Variants in PKP4 observed in about 807,000 individuals in gnomAD.
PKP4 encodes plakophilin 4.
In PKP4, 90 loss-of-function variants were observed where a neutral mutation model predicts 145.1. The observed-to-expected ratio is 0.62, with a 90% confidence interval of 0.52 to 0.74. The LOEUF (loss-of-function observed/expected upper bound fraction) is 0.74. Among genes scored for constraint, PKP4 ranks in the 30% least tolerant of loss-of-function variants. The probability of loss-of-function intolerance (pLI) is 0.00; values close to 1 mark genes in which losing one functional copy is unlikely to be tolerated. For missense variants in PKP4, 1,340 were observed against 1,482.7 expected (o/e 0.90, Z 1.58); for synonymous variants, 563 against 577.2 (o/e 0.98, Z 0.35).
intron 1 of PKP4, among the ~76,000 whole-genome samples, chr2:158,484,705 C>A (rs1382579882): frequency 6.6e-6 from 1 of 152,136 alleles, no homozygotes; most frequent in African/African-American, 2.4e-5. Context: ...TATAGAGTTG[C>A]AGTAAGTGGA....
chr2:158,608,749 G>C (rs2050857177), intron 4 of PKP4, among the ~76,000 whole-genome samples: 1 of 149,892 alleles, frequency 6.7e-6, no homozygotes, highest in Admixed American at 6.6e-5. Flanking sequence ...GCTATAGTTA[G>C]AAGAGTAGCA....
At chr2:158,523,088 A>G (rs2042563374) in intron 1 of PKP4, among the ~76,000 whole-genome samples, 1 of 152,240 alleles carries the variant, frequency 6.6e-6, no homozygotes, top group African/African-American at 2.4e-5. Flanking sequence ...TTGCTTAGGT[A>G]AACAAAGCAG....
chr2:158,617,163 T>C (rs934449582), intron 4 of PKP4, among the ~76,000 whole-genome samples: 1 of 152,198 alleles, frequency 6.6e-6, no homozygotes, highest in African/African-American at 2.4e-5. Flanking sequence ...AAGTCCATGA[T>C]TCCAATAATT....
intron 7 of PKP4, among the ~76,000 whole-genome samples, chr2:158,631,002 A>G (rs972811958): frequency 9.2e-5 from 14 of 152,056 alleles, no homozygotes; most frequent in African/African-American, 2.9e-4. Context: ...CAGTGGCGCA[A>G]TCTTGGCTCA....
intron 1 of PKP4, among the ~76,000 whole-genome samples, chr2:158,512,616 G>A (rs545901817): frequency 9.2e-5 from 14 of 152,326 alleles, no homozygotes; most frequent in African/African-American, 3.1e-4. Context: ...ACTAATAGAT[G>A]TATATTACCC....
At chr2:158,486,594 A>G (rs1694197905) in intron 1 of PKP4, among the ~76,000 whole-genome samples, 3 of 152,274 alleles carry the variant, frequency 2.0e-5, no homozygotes, top group South Asian at 2.1e-4. Context: ...TTGAGAACAC[A>G]GTGACCTACA....
chr2:158,465,283 A>G (rs1172728142), intron 1 of PKP4, among the ~76,000 whole-genome samples: 1 of 152,222 alleles, frequency 6.6e-6, no homozygotes, highest in Non-Finnish European at 1.5e-5. Flanking sequence ...TTACATGATA[A>G]ATTACCCGAT....
intron 1 of PKP4, among the ~76,000 whole-genome samples, chr2:158,499,299 A>G (rs966178509): frequency 1.8e-4 from 27 of 152,120 alleles, no homozygotes; most frequent in Admixed American, 5.2e-4. Flanking sequence ...TCAGCCAACA[A>G]AAGTGGGTTC....
intron 2 of PKP4, among the ~76,000 whole-genome samples, chr2:158,538,608 T>C (rs2044263874): frequency 1.3e-5 from 2 of 150,836 alleles, no homozygotes; most frequent in Non-Finnish European, 3.0e-5. Flanking sequence ...GGTGCGATCT[T>C]GGCTCACTGC....
At position 158,661,160 on chromosome 2, in the gene PKP4, A is replaced by G. The variant is rs578106375; in HGVS notation, c.2094-173A>G. On this transcript the variant is annotated intron_variant, in intron 12 of 21. Coordinates refer to ENST00000389759, the MANE Select transcript of PKP4 (RefSeq NM_003628.6). ...TCCCTTCCATGTGTGGATAATGGGG[A>G]GCGGGCCATCATTGTGAGCTTCAGG... The G allele has an allele frequency of 1.8e-4, 98 of 529,822 alleles. 2 individuals are homozygous for G. The Middle Eastern group carries it at 5.4e-3, about 29-fold the overall frequency. 32.8% of individuals were successfully genotyped at this position (529,822 alleles called of 1,614,324 possible).
chr2:158,584,089 G>A (rs938806706), intron 3 of PKP4, among the ~76,000 whole-genome samples: 2 of 152,154 alleles, frequency 1.3e-5, no homozygotes, highest in East Asian at 1.9e-4. Context: ...GGGTCCCAGC[G>A]CACGTCCAAG....
chr2:158,472,789 AAAAG>A (rs1266389936), intron 1 of PKP4, among the ~76,000 whole-genome samples: 3 of 152,148 alleles, frequency 2.0e-5, no homozygotes, highest in Non-Finnish European at 2.9e-5. Context: ...AGCAGTGAAA[AAAAG>A]GCTACAGACT....
intron 3 of PKP4, chr2:158,589,044 A>T (rs1043082758): frequency 4.6e-5 from 7 of 152,148 alleles, no homozygotes; most frequent in Admixed American, 4.6e-4. Context: ...ATGAGGTTGC[A>T]CTGGTTCTCC....
At chr2:158,588,402 T>C (rs1048251172) in intron 3 of PKP4, 1 of 152,134 alleles carries the variant, frequency 6.6e-6, no homozygotes, top group African/African-American at 2.4e-5. Flanking sequence ...CGTTATCTCA[T>C]TTAACTTTGC....
chr2:158,666,405 C>T lies in PKP4; in HGVS notation c.2578-8C>T. ...TTATGTTACTTCCTGCCTTATTTTT[C>T]TCACTAGTTTGCAGCATATATCCGG... is the stretch of plus-strand genomic sequence containing the variant. On this transcript the variant is annotated splice_region_variant and splice_polypyrimidine_tract_variant and intron_variant, in intron 15 of 21. Transcript: ENST00000389759. 1 of 1,570,982 alleles carries T rather than the reference C, an allele frequency of 6.4e-7. No individual in the cohort carries two copies.
chr2:158,501,872 C>T (rs1468164709), intron 1 of PKP4, among the ~76,000 whole-genome samples: 1 of 152,170 alleles, frequency 6.6e-6, no homozygotes, highest in Non-Finnish European at 1.5e-5. Flanking sequence ...CCTTGATCTT[C>T]CTACTTTTCA....
chr2:158,506,924 T>C (rs2041036122), intron 1 of PKP4, among the ~76,000 whole-genome samples: 1 of 152,220 alleles, frequency 6.6e-6, no homozygotes, highest in African/African-American at 2.4e-5. Context: ...TGGTTATTCA[T>C]GGTTGCACTC....
chr2:158,508,429 C>T (rs1034882743), intron 1 of PKP4, among the ~76,000 whole-genome samples: 3 of 150,866 alleles, frequency 2.0e-5, no homozygotes, highest in South Asian at 2.1e-4. Flanking sequence ...GAAACCACTG[C>T]GTGTCCTAAG....
intron 1 of PKP4, among the ~76,000 whole-genome samples, chr2:158,470,526 C>G (rs1310931410): frequency 6.6e-6 from 1 of 152,118 alleles, no homozygotes; most frequent in African/African-American, 2.4e-5. Context: ...ACTCTGATGA[C>G]AACAAGAACA....
Sources: allele counts gnomAD v4.1 joint callset (sites outside exome capture counted in the v4.1 genomes callset), GRCh38; gene constraint gnomAD v4.1.1; transcripts MANE v1.5; gene names NCBI Gene and HGNC (gene_info 2026-07-23, HGNC 2026-07-21).